The following HPSE2 variants were observed in gnomAD, a reference collection of about 807,000 sequenced individuals.
HPSE2 encodes heparanase 2 (inactive).
In HPSE2, 38 loss-of-function variants were observed where a neutral mutation model predicts 60.5. That is an observed-to-expected ratio of 0.63 (90% CI 0.48 to 0.82). The LOEUF (loss-of-function observed/expected upper bound fraction) is 0.82. HPSE2 is among the 40% of genes least tolerant of loss of function. The probability of loss-of-function intolerance (pLI) is 0.00; values close to 1 mark genes in which losing one functional copy is unlikely to be tolerated. For synonymous variants in HPSE2, 295 were observed against 293.2 expected, an observed-to-expected ratio of 1.01 and a Z score of -0.06; for missense variants, 713 against 740.4, an observed-to-expected ratio of 0.96 and a Z score of 0.43.
At chr10:99,215,687 T>C (rs553857916) in intron 2 of HPSE2, among the ~76,000 whole-genome samples, 1 of 152,304 alleles carries the variant, frequency 6.6e-6, no homozygotes, top group East Asian at 1.9e-4. Context: ...ATATGAAATA[T>C]CCAAAATAAG....
chr10:98,624,514 A>G (rs563047119), intron 7 of HPSE2, among the ~76,000 whole-genome samples: 6 of 152,280 alleles, frequency 3.9e-5, no homozygotes, highest in Non-Finnish European at 7.4e-5. Flanking sequence ...TCTGAGTGTG[A>G]TGGAAAGCTA....
intron 9 of HPSE2, among the ~76,000 whole-genome samples, chr10:98,509,346 A>G (rs904033349): frequency 7.2e-5 from 11 of 151,936 alleles, no homozygotes; most frequent in African/African-American, 2.7e-4. Flanking sequence ...GAAGAAGAAA[A>G]AAAGAGGTTA....
At chr10:98,935,971 A>G (rs1954776975) in intron 3 of HPSE2, among the ~76,000 whole-genome samples, 1 of 144,570 alleles carries the variant, frequency 6.9e-6, no homozygotes, top group African/African-American at 2.8e-5. Flanking sequence ...CCCTGACTGG[A>G]GCTGGTGGAC....
At chr10:98,762,379 A>C (rs551907179) in intron 3 of HPSE2, among the ~76,000 whole-genome samples, 14 of 152,184 alleles carry the variant, frequency 9.2e-5, no homozygotes, top group African/African-American at 2.4e-4. Context: ...AAATCCAGAG[A>C]GAAGGAGAGA....
rs753896904 is a variant in HPSE2, at chr10:99,003,111, T to C, written c.610+141127A>G. On this transcript the variant is annotated intron_variant, in intron 3 of 11. Transcript: ENST00000370552. The stretch of plus-strand genomic sequence containing the variant: ...ACATATATACTATGCAGTATTTATC[T>C]TTCTTTGCCTCTTTATTTCACTTAA... Among the ~76,000 whole-genome samples the C allele has an allele frequency of 5.3e-5, 8 of 152,178 alleles. No individual in the cohort carries two copies. The South Asian group carries it at 1.7e-3, about 31-fold the overall frequency.
At chr10:98,463,792 G>A (rs1250836905) in intron 11 of HPSE2, among the ~76,000 whole-genome samples, 1 of 151,996 alleles carries the variant, frequency 6.6e-6, no homozygotes, top group Admixed American at 6.6e-5. Context: ...GTGACACAGT[G>A]AGACCCTGTC....
At chr10:98,871,701 G>A (rs1274166770) in intron 3 of HPSE2, among the ~76,000 whole-genome samples, 2 of 151,976 alleles carry the variant, frequency 1.3e-5, no homozygotes, top group Admixed American at 6.6e-5. Flanking sequence ...TAGTAGGGCA[G>A]GTTATTCCAA....
intron 11 of HPSE2, among the ~76,000 whole-genome samples, chr10:98,478,904 G>C (rs1397461911): frequency 6.6e-6 from 1 of 152,198 alleles, no homozygotes; most frequent in African/African-American, 2.4e-5. Flanking sequence ...TATATAAGGA[G>C]TTGGGACTGG....
intron 11 of HPSE2, among the ~76,000 whole-genome samples, chr10:98,471,211 C>T (rs1247710209): frequency 6.6e-6 from 1 of 152,120 alleles, no homozygotes; most frequent in Non-Finnish European, 1.5e-5. Flanking sequence ...GGATCTTGTT[C>T]TAGAAGTTTA....
chr10:98,978,155 G>A (rs1264885356), intron 3 of HPSE2, among the ~76,000 whole-genome samples: 1 of 152,002 alleles, frequency 6.6e-6, no homozygotes, highest in Non-Finnish European at 1.5e-5. Flanking sequence ...TTATGCAAAT[G>A]TTAAAAACTG....
rs139666808 is a variant in HPSE2, at chr10:98,522,681, T to C, written c.1321-32485A>G. Among the ~76,000 whole-genome samples, 1,375 of 152,294 alleles carry C rather than the reference T, an allele frequency of 9.0e-3. 26 individuals are homozygous for C. The highest frequency in any genetic ancestry group is 0.028 in the African/African-American group (1,153 of 41,566). On this transcript the variant is annotated intron_variant, in intron 9 of 11. Coordinates refer to ENST00000370552, the MANE Select transcript of HPSE2 (RefSeq NM_021828.5). ...TTAGTAGAGATGGGCTTTTACCATA[T>C]TGGCCAGGCTGGTTTCAAACTCCTC...
At chr10:98,697,433 T>C (rs1054837860) in intron 5 of HPSE2, among the ~76,000 whole-genome samples, 1 of 151,996 alleles carries the variant, frequency 6.6e-6, no homozygotes, top group Admixed American at 6.6e-5. Flanking sequence ...CTTGCTGAAA[T>C]AAGGCATGCA....
At chr10:98,716,511 T>C (rs898604256) in intron 5 of HPSE2, among the ~76,000 whole-genome samples, 5 of 151,982 alleles carry the variant, frequency 3.3e-5, no homozygotes, top group African/African-American at 4.8e-5. Flanking sequence ...GAATCACAAA[T>C]GTTCATAATG....
At chr10:98,947,737 TGCTA>T in intron 3 of HPSE2, among the ~76,000 whole-genome samples, 1 of 45,930 alleles carries the variant, frequency 2.2e-5, no homozygotes, top group Admixed American at 2.5e-4. Context: ...TCTATGAAGC[TGCTA>T]ACCCCAAGCC....
intron 3 of HPSE2, among the ~76,000 whole-genome samples, chr10:98,943,375 A>T (rs1173546852): frequency 6.6e-6 from 1 of 151,892 alleles, no homozygotes. Flanking sequence ...AGAGTACATA[A>T]ATATATTACC....
At chr10:98,653,875 C>T (rs1037436570) in intron 6 of HPSE2, among the ~76,000 whole-genome samples, 2 of 152,076 alleles carry the variant, frequency 1.3e-5, no homozygotes, top group African/African-American at 4.8e-5. Context: ...CTATCAATCT[C>T]TCATGCAGGG....
chr10:98,664,718 G>A (rs575776139), intron 6 of HPSE2, among the ~76,000 whole-genome samples: 1 of 152,008 alleles, frequency 6.6e-6, no homozygotes, highest in East Asian at 1.9e-4. Context: ...TGAAACCTAA[G>A]GCAAAAATCT....
intron 1 of HPSE2, among the ~76,000 whole-genome samples, chr10:99,232,807 T>G (rs1165459247): frequency 6.6e-6 from 1 of 152,258 alleles, no homozygotes; most frequent in East Asian, 1.9e-4. Context: ...ATAGAGTGTT[T>G]GTATGGGGTG....
intron 3 of HPSE2, among the ~76,000 whole-genome samples, chr10:98,953,088 T>G (rs768467256): frequency 6.6e-6 from 1 of 152,170 alleles, no homozygotes; most frequent in Non-Finnish European, 1.5e-5. Flanking sequence ...CTTGAGACTG[T>G]TGCATAGTTG....
Sources: gnomAD v4.1 joint callset for allele counts (sites outside exome capture counted in the v4.1 genomes callset) on GRCh38, gnomAD v4.1.1 for gene constraint, MANE v1.5 for transcripts, NCBI Gene and HGNC (gene_info 2026-07-23, HGNC 2026-07-21) for gene names.